The following SP140 variants were observed in gnomAD, a reference collection of about 807,000 sequenced individuals.
The protein encoded by SP140 is nuclear body protein SP140.
In SP140, 81 loss-of-function variants were observed where a neutral mutation model predicts 125.0. The observed-to-expected ratio is 0.65, with a 90% CI of 0.54 to 0.78. The LOEUF (loss-of-function observed/expected upper bound fraction) is 0.78, where lower values mean the gene tolerates loss of function less well. Among genes scored for constraint, SP140 ranks in the 30% least tolerant of loss-of-function variants. The pLI is 0.00. For synonymous variants in SP140, 312 were observed against 354.0 expected, an observed-to-expected ratio of 0.88 and a Z score of 1.33; for missense variants, 858 against 1,037.0, an observed-to-expected ratio of 0.83 and a Z score of 2.37.
intron 22 of SP140, among the ~76,000 whole-genome samples, chr2:230,307,955 G>GTATA (rs60233854): frequency 0.023 from 1,094 of 48,296 alleles, 47 homozygotes; most frequent in Non-Finnish European, 0.038. Context: ...GGACATGCAT[G>GTATA]TATATATATA....
In SP140 at chr2:230,237,015, A is replaced by C; in HGVS notation, c.60-68A>C. The C allele has an allele frequency of 7.6e-7, 1 of 1,322,870 alleles. No individual in the cohort carries two copies. The highest frequency in any genetic ancestry group is 1.0e-6 in the Non-Finnish European group (1 of 982,354). The allele number at this position is 1,322,870 out of a possible 1,614,324, so 81.9% of individuals were successfully genotyped here. Reference sequence around the variant, plus strand: ...CCATTGGCCATCCTTCATGTCTAAAATCTTCTAACCACCACAAACCTCTTG... The same window carrying C: ...CCATTGGCCATCCTTCATGTCTAAACTCTTCTAACCACCACAAACCTCTTG... On this transcript the variant is annotated intron_variant, in intron 1 of 26. Coordinates refer to ENST00000392045, the MANE Select transcript of SP140 (RefSeq NM_007237.5). This position sits in a 1 kb window ranked among gnomAD's most constrained non-coding sequence, Gnocchi z 5.4.
chr2:230,221,798 C>T (rs1364129449), upstream of SP140: 2 of 1,364,128 alleles, frequency 1.5e-6, no homozygotes, highest in African/African-American at 1.4e-5. Context: ...TTCAGAGATA[C>T]ACCAGGCAAA....
At chr2:230,200,798 G>T, upstream of SP140, 2 of 1,062,454 alleles carry the variant, frequency 1.9e-6, no homozygotes, top group Non-Finnish European at 1.5e-6. Context: ...AAAAAAAAAA[G>T]TTAAGAAATA....
chr2:230,310,465 G>T (rs1262935363), intron 23 of SP140: 5 of 690,376 alleles, frequency 7.2e-6, no homozygotes, highest in Non-Finnish European at 1.2e-5. Context: ...TGACAGACAG[G>T]GTTCCCTGTG....
intron 3 of SP140, among the ~76,000 whole-genome samples, chr2:230,220,309 T>G (rs945123487): frequency 6.6e-6 from 1 of 152,164 alleles, no homozygotes; most frequent in African/African-American, 2.4e-5. Context: ...TTCTGTACAT[T>G]TTAGGTTGAT....
In SP140 at chr2:230,216,696, C is replaced by A; in HGVS notation, c.-91+2622C>A. On this transcript the variant is annotated intron_variant, in intron 3 of 4. Transcript: ENST00000456542. ...GGCTGGGCCTTCCAAACTCTGGAAG[C>A]CCTGGTGGTTTGTGGTTTGAGACTT... is the stretch of plus-strand genomic sequence containing the variant. 4.6e-6 allele frequency: 7 copies of A among 1,536,520 alleles called. 1 individual carries two copies. Among genetic ancestry groups the A allele is most frequent in the Non-Finnish European group, 6.3e-6 (7 of 1,111,992 alleles).
chr2:230,292,805 G>C lies in SP140; in HGVS notation c.1968+17G>C, dbSNP rs756866417. The C allele has an allele frequency of 5.6e-6, 9 of 1,613,568 alleles. No homozygotes were observed. Among genetic ancestry groups the C allele is most frequent in the Non-Finnish European group, 6.8e-6 (8 of 1,179,942 alleles). ...CTGATGGAGGTATTCCAATGACAAG[G>C]GGCCAGGCCTGTGTTCCTTCTTGTT... On this transcript the variant is annotated intron_variant, in intron 20 of 26. Coordinates refer to ENST00000392045, the MANE Select transcript of SP140 (RefSeq NM_007237.5).
intron 1 of SP140, among the ~76,000 whole-genome samples, chr2:230,205,995 G>A (rs984153202): frequency 1.3e-5 from 2 of 152,094 alleles, no homozygotes; most frequent in African/African-American, 4.8e-5. Flanking sequence ...AAGTAGAATG[G>A]GGGAGAAAGC....
intron 15 of SP140, among the ~76,000 whole-genome samples, chr2:230,281,775 G>A (rs181731368): frequency 1.1e-4 from 16 of 152,216 alleles, no homozygotes; most frequent in African/African-American, 3.9e-4. Flanking sequence ...TACATTATCT[G>A]GATATACCAA....
chr2:230,263,380 A>G (rs911460955), intron 12 of SP140, among the ~76,000 whole-genome samples: 1 of 152,166 alleles, frequency 6.6e-6, no homozygotes, highest in African/African-American at 2.4e-5. Flanking sequence ...TCCTGAAGGC[A>G]GCAGATGGTT....
chr2:230,259,798 C>CTATATATATATATAT (rs2051913573), intron 12 of SP140, among the ~76,000 whole-genome samples: 4 of 61,416 alleles, frequency 6.5e-5, no homozygotes, highest in South Asian at 5.1e-4. Flanking sequence ...ATATATATAC[C>CTATATATATATATAT]ACATACATAC....
intron 3 of SP140, chr2:230,238,641 G>A: frequency 1.1e-6 from 1 of 889,668 alleles, no homozygotes; most frequent in Non-Finnish European, 1.7e-6. Flanking sequence ...GTAAAACATA[G>A]GGTTGAAGTC....
chr2:230,245,937 G>T lies in SP140; in HGVS notation c.739G>T (p.Glu247Ter). 6.4e-7 allele frequency: 1 copy of T among 1,571,652 alleles called. No individual in the cohort carries two copies. The highest frequency in any genetic ancestry group is 8.8e-7 in the Non-Finnish European group (1 of 1,141,330). ...EMPKLLPYDT[E>*]VLESNGMIDA... ...GCCCAAGTTACTGCCTTATGATACA[G>T]AAGGTAATTAGGATTTAAATTAAAG... The change falls in exon 7 of 27, where the codon GAA (glutamate) becomes TAA (stop). Residue 247 changes from glutamate to a stop codon, truncating the protein, a stop_gained. Transcript: ENST00000392045. LOFTEE classifies it high-confidence loss of function.
intron 8 of SP140, 65 bp from the exon 9 acceptor site, chr2:230,248,816 GGCAT>G: frequency 7.8e-7 from 1 of 1,282,150 alleles, no homozygotes; most frequent in East Asian, 2.3e-5. Flanking sequence ...CATCTTGGAT[GGCAT>G]GAACACACTG....
chr2:230,237,344 G>T lies in SP140; in HGVS notation c.237+84G>T. 1 of 1,271,390 alleles carries T rather than the reference G, an allele frequency of 7.9e-7. No individual in the cohort carries two copies. The highest frequency in any genetic ancestry group is 1.1e-6 in the Non-Finnish European group (1 of 904,656). The allele number at this position is 1,271,390 out of a possible 1,614,324, so 78.8% of individuals were successfully genotyped here. A position where few individuals can be genotyped will look rare whatever the true frequency, so the allele number is the denominator to read the frequency against. On this transcript the variant is annotated intron_variant, in intron 2 of 26. Coordinates refer to ENST00000392045, the MANE Select transcript of SP140 (RefSeq NM_007237.5). The surrounding 1 kb of genome is among the most constrained non-coding windows in gnomAD (Gnocchi z 5.4). ...CAAGATGCAATGAGCAGGCTAAAGG[G>T]CCTCCTGTGAGTGGGGACCTTCACC...
chr2:230,259,808 C>G (rs992719485), intron 12 of SP140, among the ~76,000 whole-genome samples: 1 of 105,770 alleles, frequency 9.5e-6, no homozygotes, highest in African/African-American at 3.3e-5. Context: ...CACATACATA[C>G]ATATATACCA....
At chr2:230,189,924 T>G in the SP140 span, among the ~76,000 whole-genome samples, 2 of 152,258 alleles carry the variant, frequency 1.3e-5, no homozygotes, top group Non-Finnish European at 2.9e-5. Flanking sequence ...GTACCACATA[T>G]TCTTTATCCA....
At chr2:230,251,953 G>A (rs1416350054) in intron 10 of SP140, among the ~76,000 whole-genome samples, 1 of 152,036 alleles carries the variant, frequency 6.6e-6, no homozygotes, top group Non-Finnish European at 1.5e-5. Context: ...ACTCCTTACA[G>A]GCTTTCAGTT....
chr2:230,248,461 G>A (rs1291666127), intron 8 of SP140, among the ~76,000 whole-genome samples: 1 of 152,022 alleles, frequency 6.6e-6, no homozygotes, highest in Non-Finnish European at 1.5e-5. Context: ...TCAATGTAAG[G>A]CTTTAAGGAA....
Sources: allele counts gnomAD v4.1 joint callset (sites outside exome capture counted in the v4.1 genomes callset), GRCh38; gene constraint gnomAD v4.1.1; non-coding constraint Gnocchi (gnomAD v3.1); transcripts MANE v1.5; gene names NCBI Gene and HGNC (gene_info 2026-07-23, HGNC 2026-07-21).